SLC27A6: variants seen among roughly 807,000 people sequenced by gnomAD.
SLC27A6 encodes long-chain fatty acid transport protein 6.
A neutral mutation model predicts 63.9 loss-of-function variants in SLC27A6; 74 were observed. That is an observed-to-expected ratio of 1.16 (90% CI 0.96 to 1.40). SLC27A6 has a LOEUF of 1.40. SLC27A6 is among the 40% of genes most tolerant of loss of function. The pLI is 0.00. For synonymous variants in SLC27A6, 287 were observed against 260.8 expected (o/e 1.10, Z -0.97); for missense variants, 794 against 732.9 (o/e 1.08, Z -0.96).
intron 4 of SLC27A6, among the ~76,000 whole-genome samples, chr5:129,007,346 G>A (rs964596960): frequency 1.3e-5 from 2 of 150,802 alleles, no homozygotes; most frequent in African/African-American, 4.9e-5. Context: ...TGGGAGGCTG[G>A]AGCAGATAAT....
intron 4 of SLC27A6, among the ~76,000 whole-genome samples, chr5:129,003,349 A>G (rs1267644228): frequency 6.6e-6 from 1 of 152,248 alleles, no homozygotes; most frequent in Non-Finnish European, 1.5e-5. Flanking sequence ...GGTACATTCC[A>G]GAGAACAAAG....
chr5:128,997,697 A>T (rs988897867), intron 4 of SLC27A6, among the ~76,000 whole-genome samples: 1 of 152,178 alleles, frequency 6.6e-6, no homozygotes, highest in Admixed American at 6.5e-5. Context: ...TGCTAATTCC[A>T]TTGAGGATAC....
chr5:129,007,442 T>TA (rs569920098), intron 4 of SLC27A6, among the ~76,000 whole-genome samples: 2,699 of 104,192 alleles, frequency 0.026, 44 homozygotes, highest in Non-Finnish European at 0.041. Flanking sequence ...GACTCAGTCT[T>TA]AAAAAAAAAA....
At chr5:128,976,147 G>A (rs1750369597) in intron 1 of SLC27A6, among the ~76,000 whole-genome samples, 1 of 152,156 alleles carries the variant, frequency 6.6e-6, no homozygotes, top group African/African-American at 2.4e-5. Context: ...ATCATAGTAT[G>A]TAGGTAAGAT....
intron 4 of SLC27A6, among the ~76,000 whole-genome samples, chr5:128,997,205 T>C (rs1206647537): frequency 6.6e-6 from 1 of 152,196 alleles, no homozygotes; most frequent in East Asian, 1.9e-4. Flanking sequence ...GATATTCTGA[T>C]ATAGTTTCAT....
At chr5:129,006,071 GTTTTTTTT>G (rs4068575) in intron 4 of SLC27A6, among the ~76,000 whole-genome samples, 19,827 of 59,972 alleles carry the variant, frequency 0.33, 1,698 homozygotes, top group Middle Eastern at 0.44. Flanking sequence ...TGTGCACACT[GTTTTTTTT>G]TTTTTTTTTT....
chr5:129,013,241 T>C (rs528973940), intron 4 of SLC27A6, among the ~76,000 whole-genome samples: 1 of 152,192 alleles, frequency 6.6e-6, no homozygotes, highest in South Asian at 2.1e-4. Flanking sequence ...TCTTTTCTGG[T>C]CCTCTTCATT....
In SLC27A6 at chr5:128,977,679, G is replaced by A. The variant is rs140210946; in HGVS notation, c.482-7454G>A. Among the ~76,000 whole-genome samples the A allele has an allele frequency of 6.3e-3, 957 of 152,172 alleles. 8 individuals carry two copies. Among genetic ancestry groups the A allele is most frequent in the Non-Finnish European group, 9.5e-3 (649 of 68,022 alleles). ...TGCCCACTATAACCAGGCTTCCCTC[G>A]TCCTTAAAATAAGGTTAATATTTAC... On this transcript the variant is annotated intron_variant, in intron 1 of 9. Coordinates refer to ENST00000262462, the MANE Select transcript of SLC27A6 (RefSeq NM_001017372.3).
chr5:129,010,098 T>C (rs933594425), intron 4 of SLC27A6, among the ~76,000 whole-genome samples: 3 of 152,218 alleles, frequency 2.0e-5, no homozygotes, highest in Non-Finnish European at 2.9e-5. Flanking sequence ...GTGAACAAGA[T>C]TCTGATTTCT....
At chr5:129,029,490 T>G (rs1472187428) in intron 8 of SLC27A6, 87 bp from the exon 9 acceptor site, 1 of 835,198 alleles carries the variant, frequency 1.2e-6, no homozygotes, top group Non-Finnish European at 1.9e-6. Flanking sequence ...ATTTAATGTC[T>G]CCATGTGTGC....
rs193171986 is a variant in SLC27A6, at chr5:128,995,603, G to A, written c.969+5139G>A. 9.9e-5 allele frequency among the ~76,000 whole-genome samples: 15 copies of A among 152,248 alleles called. No individual in the cohort carries two copies. In the East Asian group the frequency reaches 2.3e-3, roughly 24 times the overall value. ...TCACAGAAATAGTAATCTATGAGCC[G>A]AGGACCTGATATGACAAGTGGGATC... On this transcript the variant is annotated intron_variant, in intron 4 of 9. Transcript: ENST00000262462.
intron 2 of SLC27A6, among the ~76,000 whole-genome samples, chr5:128,985,847 T>G (rs997428471): frequency 5.9e-5 from 9 of 152,194 alleles, no homozygotes; most frequent in African/African-American, 2.2e-4. Context: ...TACCGGCAAT[T>G]TAAGCACCTG....
chr5:128,977,699 A>G (rs1208802664), intron 1 of SLC27A6, among the ~76,000 whole-genome samples: 1 of 152,170 alleles, frequency 6.6e-6, no homozygotes, highest in Non-Finnish European at 1.5e-5. Context: ...TAAGGTTAAT[A>G]TTTACCTATC....
Position 128,973,544 on chromosome 5 carries a change from T to A in SLC27A6, c.481+6926T>A, listed in dbSNP as rs572371217. Among the ~76,000 whole-genome samples, 6 of 152,298 alleles carry A rather than the reference T, an allele frequency of 3.9e-5. No individual in the cohort carries two copies. The East Asian group carries it at 1.2e-3, about 29-fold the overall frequency. ...CAATCTCGGACTGCTGTGCTAGCAG[T>A]GAGCAAGGCTTCGTGGGTGTGGGAC... On this transcript the variant is annotated intron_variant, in intron 1 of 9. Coordinates refer to ENST00000262462, the MANE Select transcript of SLC27A6 (RefSeq NM_001017372.3).
At chr5:129,000,871 T>C (rs536245143) in intron 4 of SLC27A6, among the ~76,000 whole-genome samples, 16 of 152,194 alleles carry the variant, frequency 1.1e-4, no homozygotes, top group Non-Finnish European at 2.4e-4. Flanking sequence ...AGGCATTTGC[T>C]TTCCCTCCAC....
chr5:129,027,612 G>T (rs1309063202), intron 7 of SLC27A6, among the ~76,000 whole-genome samples: 1 of 152,078 alleles, frequency 6.6e-6, no homozygotes, highest in African/African-American at 2.4e-5. Flanking sequence ...AATATAAATG[G>T]TAGGGTTAAA....
intron 4 of SLC27A6, among the ~76,000 whole-genome samples, chr5:129,006,955 A>G (rs1192074528): frequency 2.0e-5 from 3 of 152,184 alleles, no homozygotes; most frequent in African/African-American, 7.2e-5. Context: ...TGAAATCTGA[A>G]TTGACCATCA....
intron 3 of SLC27A6, among the ~76,000 whole-genome samples, chr5:128,989,085 A>T (rs1290478981): frequency 6.6e-6 from 1 of 152,204 alleles, no homozygotes; most frequent in African/African-American, 2.4e-5. Flanking sequence ...GGGAGTGAGT[A>T]TGGAAGCTGC....
intron 4 of SLC27A6, among the ~76,000 whole-genome samples, chr5:128,998,717 T>C (rs1751239486): frequency 6.6e-6 from 1 of 152,192 alleles, no homozygotes; most frequent in Non-Finnish European, 1.5e-5. Flanking sequence ...CTTTGAGTAT[T>C]CATTTGCTAT....
Sources: gnomAD v4.1 joint callset for allele counts (sites outside exome capture counted in the v4.1 genomes callset) on GRCh38, gnomAD v4.1.1 for gene constraint, MANE v1.5 for transcripts, NCBI Gene and HGNC (gene_info 2026-07-23, HGNC 2026-07-21) for gene names.